Variants in L3MBTL3 observed in about 807,000 individuals in gnomAD.
L3MBTL3 encodes lethal(3)malignant brain tumor-like protein 3.
In L3MBTL3, 27 loss-of-function variants were observed where a neutral mutation model predicts 102.3. The observed-to-expected ratio is 0.26, with a 90% confidence interval of 0.19 to 0.36. L3MBTL3 has a LOEUF of 0.36. Among genes scored for constraint, L3MBTL3 ranks in the 10% least tolerant of loss-of-function variants. The pLI, the probability that L3MBTL3 is intolerant of heterozygous loss-of-function variation, is 1.00. For missense variants in L3MBTL3, 798 were observed against 955.3 expected (o/e 0.84, Z 2.17); for synonymous variants, 340 against 320.9 (o/e 1.06, Z -0.64).
intron 2 of L3MBTL3, among the ~76,000 whole-genome samples, chr6:130,029,973 A>G (rs1779605543): frequency 1.3e-5 from 2 of 152,078 alleles, no homozygotes; most frequent in South Asian, 4.2e-4. Context: ...AGAGGCATGC[A>G]CCACCACGCC....
chr6:130,069,738 C>T (rs1782506287), intron 12 of L3MBTL3, among the ~76,000 whole-genome samples: 1 of 152,228 alleles, frequency 6.6e-6, no homozygotes, highest in African/African-American at 2.4e-5. Context: ...ATTTGATTAA[C>T]TGCCTTGAAC....
At chr6:130,088,789 A>G (rs1290444369) in intron 16 of L3MBTL3, among the ~76,000 whole-genome samples, 2 of 152,096 alleles carry the variant, frequency 1.3e-5, no homozygotes, top group South Asian at 2.1e-4. Context: ...CAGTTCATCA[A>G]TTTTAAATAT....
At chr6:130,095,835 C>T (rs1454161651) in intron 18 of L3MBTL3, among the ~76,000 whole-genome samples, 9 of 152,130 alleles carry the variant, frequency 5.9e-5, no homozygotes, top group Non-Finnish European at 1.3e-4. Flanking sequence ...CCCATGATAA[C>T]AAACCCACTT....
At chr6:130,035,294 T>A (rs1779985377) in intron 2 of L3MBTL3, among the ~76,000 whole-genome samples, 1 of 152,232 alleles carries the variant, frequency 6.6e-6, no homozygotes, top group African/African-American at 2.4e-5. Context: ...CCACCTGATG[T>A]AAGTGGTACA....
Position 130,086,285 on chromosome 6 carries a change from T to C in L3MBTL3, c.1518+35T>C, listed in dbSNP as rs753110232. Reference sequence around the variant, plus strand: ...CTGTGTGGGGGGTTGGCTTTGTCTTTTGTTATAAGATGTTTTAGATAAAAA... The same window carrying C: ...CTGTGTGGGGGGTTGGCTTTGTCTTCTGTTATAAGATGTTTTAGATAAAAA... On this transcript the variant is annotated intron_variant, in intron 16 of 22. Coordinates refer to ENST00000361794, the MANE Select transcript of L3MBTL3 (RefSeq NM_032438.4). 3 of 1,379,162 alleles carry C rather than the reference T, an allele frequency of 2.2e-6. No individual in the cohort carries two copies. In the South Asian group the frequency reaches 3.7e-5, roughly 17 times the overall value. 85.4% of individuals were successfully genotyped at this position (1,379,162 alleles called of 1,614,324 possible). A position where few individuals can be genotyped will look rare whatever the true frequency, so the allele number is the denominator to read the frequency against.
At chr6:130,046,825 C>T (rs1780752337) in intron 3 of L3MBTL3, among the ~76,000 whole-genome samples, 1 of 152,178 alleles carries the variant, frequency 6.6e-6, no homozygotes, top group South Asian at 2.1e-4. Flanking sequence ...TCACTAATTT[C>T]AGAACCTGGG....
chr6:130,043,502 A>G (rs1047478162), intron 3 of L3MBTL3, among the ~76,000 whole-genome samples: 7 of 152,086 alleles, frequency 4.6e-5, no homozygotes, highest in African/African-American at 1.2e-4. Context: ...TGGGAAACCA[A>G]CTACCCCCAT....
chr6:130,124,386 A>G (rs1005707560), intron 20 of L3MBTL3, among the ~76,000 whole-genome samples: 3 of 152,184 alleles, frequency 2.0e-5, no homozygotes, highest in Non-Finnish European at 4.4e-5. Context: ...GGAAAATCAG[A>G]CAAAACAAAA....
Position 130,078,648 on chromosome 6 carries a change from T to A in L3MBTL3, c.1321+14T>A, listed in dbSNP as rs1192258530. ...TTACTCCACCAGGTGTGTGTTTTTT[T>A]AATGTGGCTAATACTATTCGTAGAC... On this transcript the variant is annotated intron_variant, in intron 14 of 22. Coordinates refer to ENST00000361794, the MANE Select transcript of L3MBTL3 (RefSeq NM_032438.4). 1.3e-6 allele frequency: 2 copies of A among 1,498,748 alleles called. No individual in the cohort carries two copies. The highest frequency in any genetic ancestry group is 9.3e-7 in the Non-Finnish European group (1 of 1,075,994). 92.8% of individuals were successfully genotyped at this position (1,498,748 alleles called of 1,614,324 possible).
chr6:130,057,422 A>C lies in L3MBTL3; in HGVS notation c.684A>C (p.Gly228=), dbSNP rs140062310. 5 of 1,609,522 alleles carry C rather than the reference A, an allele frequency of 3.1e-6. No homozygotes were observed. Among genetic ancestry groups the C allele is most frequent in the African/African-American group, 1.3e-5 (1 of 74,894 alleles). The change falls in exon 9 of 23, where the codon GGA becomes GGC. Residue 228 remains glycine, a synonymous_variant. Coordinates refer to ENST00000361794, the MANE Select transcript of L3MBTL3 (RefSeq NM_032438.4). ...AVLKQGLPPK[G]KKAWCWASYL... ...GCCTTTCAGGTTTGCCTCCTAAAGG[A>C]AAGAAAGCGTGGTGCTGGGCATCCT...
intron 20 of L3MBTL3, among the ~76,000 whole-genome samples, chr6:130,127,073 C>T (rs73602348): frequency 0.019 from 2,938 of 152,264 alleles, 98 homozygotes; most frequent in African/African-American, 0.065. Flanking sequence ...CAGAACTTCA[C>T]TGTGAACAAA....
Position 130,066,389 on chromosome 6 carries a change from T to C in L3MBTL3, c.901T>C (p.Tyr301His). Residue 301 changes from tyrosine (Y) to histidine (H), a missense_variant, in exon 11 of 23, where the codon TAT becomes CAT. Around this residue, in one of 4 missense-constraint regions of L3MBTL3, gnomAD observed 434 missense variants for 506.6 expected, o/e 0.86. Transcript: ENST00000361794. ...CCGGATAAAGCTTCACTTTGATGGG[T>C]ATTCTGATTGCTATGACTTCTGGGT... ...GYRIKLHFDG[Y>H]SDCYDFWVNA... 1 of 1,610,794 alleles carries C rather than the reference T, an allele frequency of 6.2e-7. No individual in the cohort carries two copies. The highest frequency in any genetic ancestry group is 8.5e-7 in the Non-Finnish European group (1 of 1,178,308).
intron 3 of L3MBTL3, among the ~76,000 whole-genome samples, chr6:130,048,201 G>A (rs746615540): frequency 2.6e-5 from 4 of 152,052 alleles, no homozygotes; most frequent in Admixed American, 6.5e-5. Flanking sequence ...CGATTTTTTC[G>A]GATTGGCAAA....
chr6:130,095,374 C>T (rs1193842691), intron 18 of L3MBTL3, among the ~76,000 whole-genome samples: 2 of 152,090 alleles, frequency 1.3e-5, no homozygotes, highest in Non-Finnish European at 2.9e-5. Flanking sequence ...CTTTTTCGAA[C>T]AACTCTCCTT....
At chr6:130,058,482 A>T (rs1355437134) in intron 9 of L3MBTL3, among the ~76,000 whole-genome samples, 3 of 152,074 alleles carry the variant, frequency 2.0e-5, no homozygotes, top group Non-Finnish European at 2.9e-5. Context: ...TAAAAAAAAA[A>T]AAAAAATTAA....
intron 17 of L3MBTL3, 55 bp from the exon 18 acceptor site, chr6:130,094,210 C>G: frequency 1.4e-6 from 2 of 1,393,998 alleles, no homozygotes; most frequent in Non-Finnish European, 2.0e-6. Context: ...TTTGACTCTT[C>G]ACAGATTTTT....
At chr6:130,056,489 G>A (rs375977450) in intron 8 of L3MBTL3, among the ~76,000 whole-genome samples, 7 of 152,144 alleles carry the variant, frequency 4.6e-5, no homozygotes, top group African/African-American at 1.2e-4. Flanking sequence ...CCTCAGTGCC[G>A]GGGTGCATTC....
intron 9 of L3MBTL3, 41 bp downstream of exon 9, chr6:130,057,538 A>G: frequency 6.9e-7 from 1 of 1,445,180 alleles, no homozygotes; most frequent in Non-Finnish European, 9.5e-7. Context: ...AGGGCGCAGG[A>G]GCTGGGATAC....
At position 130,120,963 on chromosome 6, in the gene L3MBTL3, CCATAA is replaced by C; in HGVS notation, c.1966+6_1966+10del. 6.3e-7 allele frequency: 1 copy of C among 1,597,094 alleles called. No individual in the cohort carries two copies. On this transcript the variant is annotated splice_donor_region_variant and intron_variant, in intron 20 of 22. Transcript: ENST00000361794. ...GAACATCACATGAAGCCAGAGGTAGCCATAATAATTCTCATATTACTAATGTGTAT... is the reference window on the plus strand; with the variant it reads ...GAACATCACATGAAGCCAGAGGTAGCTAATTCTCATATTACTAATGTGTAT...
Sources: gnomAD v4.1 joint callset for allele counts (sites outside exome capture counted in the v4.1 genomes callset) on GRCh38, gnomAD v4.1.1 for gene constraint, gnomAD v4.1.1 regional missense constraint, MANE v1.5 for transcripts, NCBI Gene and HGNC (gene_info 2026-07-23, HGNC 2026-07-21) for gene names.